Variants in CIMIP2A observed in about 807,000 individuals in gnomAD.
CIMIP2A encodes the protein ciliary microtubule inner protein 2A.
chr9:137,252,381 G>C, the CIMIP2A span: 7 of 1,543,586 alleles, frequency 4.5e-6, no homozygotes, highest in Non-Finnish European at 5.3e-6. Flanking sequence ...GTTCGAGTGG[G>C]GACTGTCACC....
the CIMIP2A span, chr9:137,251,840 G>T: frequency 6.2e-7 from 1 of 1,607,552 alleles, no homozygotes; most frequent in South Asian, 1.1e-5. Context: ...TCAGGTTACA[G>T]ACGGGCACCC....
chr9:137,254,536 G>A, the CIMIP2A span, among the ~76,000 whole-genome samples: 1 of 152,394 alleles, frequency 6.6e-6, no homozygotes, highest in East Asian at 1.9e-4. Context: ...GGTGGTGGAG[G>A]AAGAAGCCTT....
At chr9:137,252,370 G>C in the CIMIP2A span, 2 of 1,515,310 alleles carry the variant, frequency 1.3e-6, no homozygotes, top group Non-Finnish European at 9.0e-7. Flanking sequence ...CCGGGAGACA[G>C]GTTCGAGTGG....
the CIMIP2A span, among the ~76,000 whole-genome samples, chr9:137,243,996 A>ACC: frequency 6.6e-5 from 10 of 151,878 alleles, no homozygotes; most frequent in African/African-American, 2.4e-4. Context: ...GGGTCCAGTG[A>ACC]CCCCCCTTCC....
At chr9:137,244,054 G>T in the CIMIP2A span, 1 of 1,121,504 alleles carries the variant, frequency 8.9e-7, no homozygotes, top group Non-Finnish European at 1.3e-6. Flanking sequence ...ACCAAGGTGG[G>T]ACCCTGGTAA....
At chr9:137,249,784 C>T in the CIMIP2A span, among the ~76,000 whole-genome samples, 1 of 152,230 alleles carries the variant, frequency 6.6e-6, no homozygotes, top group Admixed American at 6.5e-5. Flanking sequence ...GTGCCTCTCT[C>T]TACGCTTCTT....
chr9:137,250,671 C>CT, the CIMIP2A span: 1 of 154,776 alleles, frequency 6.5e-6, no homozygotes, highest in Non-Finnish European at 1.4e-5. Flanking sequence ...GCCCGGCCAT[C>CT]TGTGACACCC....
the CIMIP2A span, chr9:137,247,586 A>G: frequency 1.4e-6 from 2 of 1,424,466 alleles, no homozygotes; most frequent in African/African-American, 2.8e-5. Context: ...GCTGGCCTCC[A>G]TGCCTCAGGC....
chr9:137,245,693 G>A, the CIMIP2A span: 16 of 1,604,552 alleles, frequency 1.0e-5, no homozygotes, highest in Non-Finnish European at 1.4e-5. Flanking sequence ...ACCCTCGGGG[G>A]CTTGGACTGG....
the CIMIP2A span, chr9:137,252,072 C>A: frequency 6.2e-7 from 1 of 1,613,022 alleles, no homozygotes; most frequent in Non-Finnish European, 8.5e-7. Flanking sequence ...GGTGCCGAGC[C>A]CGTCCGTACG....
chr9:137,243,793 G>A, the CIMIP2A span: 215 of 1,613,752 alleles, frequency 1.3e-4, 1 homozygote, highest in South Asian at 1.6e-3. Context: ...GCATGGCTGC[G>A]GGGAGCCAGG....
chr9:137,245,957 C>T, the CIMIP2A span: 2 of 985,406 alleles, frequency 2.0e-6, no homozygotes, highest in Non-Finnish European at 2.8e-6. Flanking sequence ...GGCCACTTAG[C>T]AGCAGGTTGG....
chr9:137,244,550 C>G, the CIMIP2A span: 2 of 1,557,472 alleles, frequency 1.3e-6, no homozygotes, highest in Non-Finnish European at 1.7e-6. Context: ...CTCAGGGAAC[C>G]TGGCCTTCAA....
the CIMIP2A span, chr9:137,245,702 G>A: frequency 3.7e-6 from 6 of 1,604,202 alleles, no homozygotes; most frequent in Non-Finnish European, 4.3e-6. Context: ...GGCTTGGACT[G>A]GCTGAAGTCC....
At chr9:137,245,353 G>A in the CIMIP2A span, 1 of 1,606,942 alleles carries the variant, frequency 6.2e-7, no homozygotes, top group Non-Finnish European at 8.5e-7. Context: ...GCTCTTCCAG[G>A]CCTCTTCCCC....
the CIMIP2A span, chr9:137,250,692 G>T: frequency 6.3e-6 from 1 of 157,988 alleles, no homozygotes. Flanking sequence ...TCTAGCCTCT[G>T]TGCCCCCAGG....
At chr9:137,253,213 C>T in the CIMIP2A span, 135 of 1,608,530 alleles carry the variant, frequency 8.4e-5, no homozygotes, top group African/African-American at 8.0e-4. Flanking sequence ...CAGACCCAAG[C>T]GCCACGACAC....
chr9:137,252,251 C>CGT, the CIMIP2A span: 1 of 1,425,232 alleles, frequency 7.0e-7, no homozygotes, highest in Non-Finnish European at 9.5e-7. Context: ...CCCTTCCCTG[C>CGT]GTTCACCTCT....
At chr9:137,243,871 T>C in the CIMIP2A span, 5 of 1,470,746 alleles carry the variant, frequency 3.4e-6, no homozygotes, top group Non-Finnish European at 4.7e-6. Context: ...CAGAGAAGTG[T>C]GGGGCTGCCC....
Sources: gnomAD v4.1 joint callset for allele counts (sites outside exome capture counted in the v4.1 genomes callset) on GRCh38, gnomAD v4.1.1 for gene constraint, MANE v1.5 for transcripts, NCBI Gene and HGNC (gene_info 2026-07-23, HGNC 2026-07-21) for gene names.